Variants in DAB1 observed in about 807,000 individuals in gnomAD.
The protein encoded by DAB1 is DAB adaptor protein 1, also known as disabled homolog 1.
DAB1 carries 15 observed loss-of-function variants against 64.6 expected under a neutral mutation model. The observed-to-expected ratio is 0.23, with a 90% CI of 0.16 to 0.36. The LOEUF is 0.36. DAB1 is among the 10% of genes least tolerant of loss of function. The pLI, the probability that DAB1 is intolerant of heterozygous loss-of-function variation, is 1.00. For synonymous variants in DAB1, 235 were observed against 251.9 expected (o/e 0.93, Z 0.64); for missense variants, 596 against 706.7 (o/e 0.84, Z 1.78).
intron 5 of DAB1, among the ~76,000 whole-genome samples, chr1:58,003,327 T>G (rs1646534324): frequency 1.3e-5 from 2 of 152,178 alleles, no homozygotes; most frequent in South Asian, 4.1e-4. Context: ...TGGCTTCTCT[T>G]TACTGACATG....
intron 10 of DAB1, among the ~76,000 whole-genome samples, chr1:57,024,078 G>A (rs774144020): frequency 6.6e-6 from 1 of 152,022 alleles, no homozygotes; most frequent in Non-Finnish European, 1.5e-5. Context: ...CAGCTCAGGG[G>A]TTGCAATTTA....
intron 2 of DAB1, among the ~76,000 whole-genome samples, chr1:57,281,270 G>A (rs1671864851): frequency 6.6e-6 from 1 of 152,172 alleles, no homozygotes; most frequent in Non-Finnish European, 1.5e-5. Flanking sequence ...AGAGCACACA[G>A]CATGGTCATG....
intron 2 of DAB1, among the ~76,000 whole-genome samples, chr1:57,185,365 G>A (rs1001634248): frequency 6.6e-6 from 1 of 152,170 alleles, no homozygotes; most frequent in Non-Finnish European, 1.5e-5. Context: ...AATAGAGGAG[G>A]ACAGAATTTG....
At chr1:58,349,027 C>T (rs1027442005) in intron 3 of DAB1, among the ~76,000 whole-genome samples, 5 of 152,108 alleles carry the variant, frequency 3.3e-5, no homozygotes, top group African/African-American at 4.8e-5. Context: ...TCCCTGCCTC[C>T]GCCTGCTGTC....
chr1:57,244,409 G>A (rs1484490780), intron 2 of DAB1, among the ~76,000 whole-genome samples: 2 of 152,226 alleles, frequency 1.3e-5, no homozygotes, highest in East Asian at 3.8e-4. Context: ...GGATAGATGA[G>A]AAGATAAATG....
chr1:58,351,669 T>C (rs948835396), intron 3 of DAB1, among the ~76,000 whole-genome samples: 2 of 151,646 alleles, frequency 1.3e-5, no homozygotes, highest in Admixed American at 1.3e-4. Context: ...AAGACGCCCA[T>C]GCCAATCTAG....
chr1:58,508,407 C>T (rs762929714), intron 2 of DAB1, among the ~76,000 whole-genome samples: 2 of 152,180 alleles, frequency 1.3e-5, no homozygotes, highest in Non-Finnish European at 2.9e-5. Context: ...CGATAATATA[C>T]GAATTCCCTT....
At chr1:57,159,547 A>G (rs1660542530) in intron 2 of DAB1, among the ~76,000 whole-genome samples, 1 of 152,222 alleles carries the variant, frequency 6.6e-6, no homozygotes, top group Non-Finnish European at 1.5e-5. Context: ...ATACAACAAG[A>G]ACAGTCATTG....
At chr1:57,637,539 C>T (rs1206052800) in intron 7 of DAB1, among the ~76,000 whole-genome samples, 1 of 152,090 alleles carries the variant, frequency 6.6e-6, no homozygotes, top group South Asian at 2.1e-4. Context: ...GAAAGCACAG[C>T]TTGGTATGTG....
Position 57,877,553 on chromosome 1 carries a change from T to A in DAB1, n.87+6446A>T, listed in dbSNP as rs1166971920. 2.2e-3 allele frequency among the ~76,000 whole-genome samples: 123 copies of A among 55,248 alleles called. 31 individuals are homozygous for A. Among genetic ancestry groups the A allele is most frequent in the East Asian group, 5.4e-3 (13 of 2,422 alleles). The allele number at this position is 55,248 out of a possible 152,430, so 36.2% of individuals were successfully genotyped here. ...AAAATCCTAATTGATTTATTTTTTT[T>A]TTTTTTTTTTTTTTTTTTGAGACGG... On this transcript the variant is annotated intron_variant and non_coding_transcript_variant, in intron 1 of 1. Coordinates refer to the DAB1 transcript ENST00000477280.
At chr1:57,221,486 T>C (rs1213536868) in intron 2 of DAB1, among the ~76,000 whole-genome samples, 2 of 151,498 alleles carry the variant, frequency 1.3e-5, no homozygotes, top group Non-Finnish European at 1.5e-5. Flanking sequence ...GATAGCGACA[T>C]TTCTTTTACC....
chr1:57,447,541 C>T (rs138047290), intron 7 of DAB1, among the ~76,000 whole-genome samples: 1,571 of 152,302 alleles, frequency 0.01, 9 homozygotes, highest in South Asian at 0.039. Flanking sequence ...AAGATTTACT[C>T]CTTCTGTGGG....
At chr1:57,882,211 T>C (rs1167415002) in intron 1 of DAB1, among the ~76,000 whole-genome samples, 1 of 152,114 alleles carries the variant, frequency 6.6e-6, no homozygotes, top group East Asian at 1.9e-4. Flanking sequence ...CTCTCTCCTT[T>C]AGAGGAGTTT....
intron 6 of DAB1, among the ~76,000 whole-genome samples, chr1:57,782,856 A>G (rs769601605): frequency 5.9e-5 from 9 of 152,130 alleles, no homozygotes; most frequent in Non-Finnish European, 8.8e-5. Context: ...TTTTCGTTTG[A>G]AGCTTGAAAA....
chr1:57,948,448 T>C (rs1453440124), intron 5 of DAB1, among the ~76,000 whole-genome samples: 1 of 152,236 alleles, frequency 6.6e-6, no homozygotes, highest in African/African-American at 2.4e-5. Context: ...CTTGTGGGCA[T>C]TTGCTGTTTT....
At chr1:57,686,552 T>A (rs1646700020) in intron 6 of DAB1, among the ~76,000 whole-genome samples, 1 of 152,156 alleles carries the variant, frequency 6.6e-6, no homozygotes, top group African/African-American at 2.4e-5. Flanking sequence ...ACTCATTCTA[T>A]GAAGCCAGAA....
intron 9 of DAB1, 143 bp from the exon 10 acceptor site, chr1:57,026,186 A>G (rs1378808103): frequency 1.6e-6 from 1 of 620,166 alleles, no homozygotes; most frequent in Non-Finnish European, 2.8e-6. Context: ...GGTCATTACT[A>G]TACCTCAGGA....
At chr1:57,605,286 C>G (rs1319308194) in intron 7 of DAB1, among the ~76,000 whole-genome samples, 1 of 152,164 alleles carries the variant, frequency 6.6e-6, no homozygotes, top group African/African-American at 2.4e-5. Flanking sequence ...TATCATTTAT[C>G]TCCACATTCT....
intron 3 of DAB1, among the ~76,000 whole-genome samples, chr1:57,144,954 T>A (rs1047819630): frequency 6.6e-6 from 1 of 152,256 alleles, no homozygotes; most frequent in East Asian, 1.9e-4. Flanking sequence ...AATAACAAGA[T>A]GGCAAAATTC....
Sources: gnomAD v4.1 joint callset for allele counts (sites outside exome capture counted in the v4.1 genomes callset) on GRCh38, gnomAD v4.1.1 for gene constraint, MANE v1.5 for transcripts, NCBI Gene and HGNC (gene_info 2026-07-23, HGNC 2026-07-21) for gene names.